Variants in SSH2 observed in about 807,000 individuals in gnomAD.
SSH2 encodes the protein slingshot protein phosphatase 2, also known as protein phosphatase Slingshot homolog 2.
Under a neutral mutation model 135.2 loss-of-function variants are expected in SSH2, and 37 were observed. That is an observed-to-expected ratio of 0.27 (90% CI 0.21 to 0.36). SSH2 has a LOEUF of 0.36. Among genes scored for constraint, SSH2 ranks in the 10% least tolerant of loss-of-function variants. The pLI is 1.00. For synonymous variants in SSH2, 628 were observed against 646.2 expected (o/e 0.97, Z 0.43); for missense variants, 1,408 against 1,765.3 (o/e 0.80, Z 3.63).
At chr17:29,668,178 A>G (rs1017680101) in intron 9 of SSH2, among the ~76,000 whole-genome samples, 45 of 152,208 alleles carry the variant, frequency 3.0e-4, no homozygotes, top group African/African-American at 8.2e-4. Flanking sequence ...TGCTGCCTAC[A>G]GCCTTATCAC....
At chr17:29,743,421 T>G (rs1283617385) in intron 3 of SSH2, among the ~76,000 whole-genome samples, 1 of 151,984 alleles carries the variant, frequency 6.6e-6, no homozygotes, top group East Asian at 1.9e-4. Flanking sequence ...TGTTTTTTTT[T>G]TAAGCATAAC....
chr17:29,636,181 T>C lies in SSH2; in HGVS notation c.2049A>G (p.Leu683=), dbSNP rs2035906903. Residue 683 remains leucine, a synonymous_variant, in exon 15 of 16, where the codon CTA becomes CTG. Transcript: ENST00000540801. ...STDRIDFFSA[L]EKFVELSQET... ...CTTGGGAGAGCTCCACAAACTTCTC[T>C]AGGGCACTAAAAAAGTCAATGCGAT... 6.2e-6 allele frequency: 10 copies of C among 1,614,128 alleles called. No homozygotes were observed. Among genetic ancestry groups the C allele is most frequent in the Admixed American group, 1.7e-5 (1 of 60,018 alleles).
intron 2 of SSH2, among the ~76,000 whole-genome samples, chr17:29,848,419 A>T (rs1488940591): frequency 6.6e-6 from 1 of 152,206 alleles, no homozygotes; most frequent in Non-Finnish European, 1.5e-5. Flanking sequence ...AATAGCTAAG[A>T]CATGTGAGGC....
intron 1 of SSH2, among the ~76,000 whole-genome samples, chr17:29,885,564 C>G (rs1270494082): frequency 1.3e-5 from 2 of 152,112 alleles, no homozygotes; most frequent in Non-Finnish European, 2.9e-5. Flanking sequence ...AGCTCCATCA[C>G]ATAACCAGGG....
chr17:29,667,929 T>C (rs1053251746), intron 9 of SSH2, among the ~76,000 whole-genome samples: 2 of 152,232 alleles, frequency 1.3e-5, no homozygotes, highest in Non-Finnish European at 2.9e-5. Flanking sequence ...AACTTTAATA[T>C]GAAATCAAAC....
chr17:29,843,735 A>G (rs2043083898), intron 2 of SSH2, among the ~76,000 whole-genome samples: 2 of 152,182 alleles, frequency 1.3e-5, no homozygotes, highest in Admixed American at 6.5e-5. Flanking sequence ...TCAATCTATA[A>G]GGACTGGCTA....
intron 14 of SSH2, among the ~76,000 whole-genome samples, chr17:29,638,509 T>TACACACACACACAC (rs71138839): frequency 5.4e-5 from 7 of 128,882 alleles, no homozygotes; most frequent in African/African-American, 1.2e-4. Context: ...TTCTATATTT[T>TACACACACACACAC]ACACACACAC....
intron 2 of SSH2, among the ~76,000 whole-genome samples, chr17:29,842,453 CAAAAA>C (rs372367860): frequency 1.7e-5 from 2 of 117,746 alleles, no homozygotes; most frequent in African/African-American, 3.5e-5. Context: ...GACTCAGTGT[CAAAAA>C]AAAAAAAAAA....
chr17:29,845,425 G>GA (rs1293625041), intron 2 of SSH2, among the ~76,000 whole-genome samples: 4 of 152,046 alleles, frequency 2.6e-5, no homozygotes, highest in African/African-American at 7.2e-5. Context: ...AATACTCCCT[G>GA]AAAAAACAAA....
At chr17:29,887,311 G>A (rs1004401846) in intron 1 of SSH2, among the ~76,000 whole-genome samples, 1 of 152,166 alleles carries the variant, frequency 6.6e-6, no homozygotes, top group Non-Finnish European at 1.5e-5. Context: ...ATTATTTAGT[G>A]AGGATCAATA....
chr17:29,726,668 A>G (rs919954046), intron 3 of SSH2, among the ~76,000 whole-genome samples: 11 of 152,226 alleles, frequency 7.2e-5, no homozygotes, highest in Non-Finnish European at 1.2e-4. Context: ...AAATTATAAG[A>G]ACAATGAGAA....
At chr17:29,904,145 A>G (rs1448194121) in intron 1 of SSH2, among the ~76,000 whole-genome samples, 1 of 152,218 alleles carries the variant, frequency 6.6e-6, no homozygotes, top group Admixed American at 6.5e-5. Context: ...TCCTTAATTC[A>G]TTCTATGAGG....
intron 1 of SSH2, among the ~76,000 whole-genome samples, chr17:29,892,787 C>T (rs1211436225): frequency 6.6e-6 from 1 of 152,046 alleles, no homozygotes; most frequent in East Asian, 1.9e-4. Flanking sequence ...GAACCTCTCT[C>T]CTCCCATTTC....
chr17:29,719,028 C>T (rs907081780), intron 3 of SSH2, among the ~76,000 whole-genome samples: 1 of 152,042 alleles, frequency 6.6e-6, no homozygotes, highest in Non-Finnish European at 1.5e-5. Context: ...TAGGTCAGCC[C>T]TATTTAGTGT....
At chr17:29,841,395 C>CT (rs2043039114) in intron 2 of SSH2, among the ~76,000 whole-genome samples, 1 of 152,120 alleles carries the variant, frequency 6.6e-6, no homozygotes, top group Non-Finnish European at 1.5e-5. Flanking sequence ...AAGAATAAGT[C>CT]TTTATACCCT....
intron 4 of SSH2, among the ~76,000 whole-genome samples, chr17:29,697,085 G>C (rs2038789793): frequency 6.6e-6 from 1 of 152,062 alleles, no homozygotes; most frequent in Non-Finnish European, 1.5e-5. Flanking sequence ...ATCTTCACTT[G>C]TTCTTATACA....
intron 1 of SSH2, chr17:29,856,095 C>T (rs1264311492): frequency 3.1e-6 from 1 of 326,898 alleles, no homozygotes. Context: ...TGATAAAATC[C>T]AAAATTTCTT....
intron 3 of SSH2, among the ~76,000 whole-genome samples, chr17:29,707,599 C>A (rs2039259584): frequency 6.6e-6 from 1 of 150,922 alleles, no homozygotes; most frequent in African/African-American, 2.4e-5. Context: ...GATCTTGGCT[C>A]ACTGCAACCT....
At chr17:29,774,193 G>A (rs2041647175) in intron 3 of SSH2, among the ~76,000 whole-genome samples, 1 of 152,132 alleles carries the variant, frequency 6.6e-6, no homozygotes, top group Admixed American at 6.5e-5. Context: ...GTTCTGAATT[G>A]TGTTCATAAT....
Sources: gnomAD v4.1 joint callset for allele counts (sites outside exome capture counted in the v4.1 genomes callset) on GRCh38, gnomAD v4.1.1 for gene constraint, MANE v1.5 for transcripts, NCBI Gene and HGNC (gene_info 2026-07-23, HGNC 2026-07-21) for gene names.